The following MAST4 variants were observed in gnomAD, a reference collection of about 807,000 sequenced individuals.
MAST4 encodes the protein microtubule-associated serine/threonine-protein kinase 4.
In MAST4, 89 loss-of-function variants were observed where a neutral mutation model predicts 162.7. That is an observed-to-expected ratio of 0.55 (90% CI 0.46 to 0.65). The LOEUF (loss-of-function observed/expected upper bound fraction) is 0.65, where lower values mean the gene tolerates loss of function less well. Among genes scored for constraint, MAST4 ranks in the 30% least tolerant of loss-of-function variants. The probability of loss-of-function intolerance (pLI) is 0.00; values close to 1 mark genes in which losing one functional copy is unlikely to be tolerated. For missense variants in MAST4, 3,153 were observed against 3,374.0 expected (o/e 0.93, Z 1.62); for synonymous variants, 1,479 against 1,361.1 (o/e 1.09, Z -1.91).
chr5:67,150,378 A>G (rs1006764996), intron 24 of MAST4, among the ~76,000 whole-genome samples: 2 of 152,236 alleles, frequency 1.3e-5, no homozygotes, highest in South Asian at 2.1e-4. Flanking sequence ...TATAAAAGGC[A>G]TTGTTTATGT....
chr5:67,152,546 C>G, intron 24 of MAST4, 91 bp from the exon 25 acceptor site: 1 of 957,716 alleles, frequency 1.0e-6, no homozygotes, highest in Non-Finnish European at 1.7e-6. Flanking sequence ...GACTATGCCC[C>G]CAGTCCTGGC....
intron 4 of MAST4, among the ~76,000 whole-genome samples, chr5:67,024,750 G>T (rs552067182): frequency 6.6e-6 from 1 of 152,162 alleles, no homozygotes; most frequent in South Asian, 2.1e-4. Context: ...GAAGGAAAGG[G>T]ATGATGCATG....
At chr5:67,120,431 A>G (rs1374939588) in intron 13 of MAST4, among the ~76,000 whole-genome samples, 1 of 152,024 alleles carries the variant, frequency 6.6e-6, no homozygotes, top group Non-Finnish European at 1.5e-5. Flanking sequence ...TTTTTAAAGC[A>G]TTTTTTTCTA....
At chr5:67,142,579 C>A in intron 21 of MAST4, 46 bp downstream of exon 21, 1 of 1,273,558 alleles carries the variant, frequency 7.9e-7, no homozygotes, top group Non-Finnish European at 1.1e-6. Context: ...CTGGGAGGAT[C>A]TCCCGCTGGC....
chr5:66,890,341 G>A (rs915688443), intron 3 of MAST4, among the ~76,000 whole-genome samples: 3 of 152,078 alleles, frequency 2.0e-5, no homozygotes, highest in Non-Finnish European at 2.9e-5. Flanking sequence ...TTCCTCCTAG[G>A]TCATACTGAC....
At chr5:66,669,900 G>T (rs1049803887) in intron 1 of MAST4, among the ~76,000 whole-genome samples, 1 of 152,188 alleles carries the variant, frequency 6.6e-6, no homozygotes, top group African/African-American at 2.4e-5. Flanking sequence ...GAAAAAATGG[G>T]CAAAGGCCAA....
At chr5:66,602,560 A>G (rs1742626576) in intron 1 of MAST4, among the ~76,000 whole-genome samples, 2 of 151,816 alleles carry the variant, frequency 1.3e-5, no homozygotes, top group Admixed American at 1.3e-4. Flanking sequence ...GAAGTGGGGT[A>G]TAAAGATGAT....
chr5:66,811,031 A>G (rs889455821), intron 3 of MAST4, among the ~76,000 whole-genome samples: 1 of 152,180 alleles, frequency 6.6e-6, no homozygotes, highest in African/African-American at 2.4e-5. Context: ...TTTTCAGGCA[A>G]TGGCTTTCGG....
At chr5:66,860,813 T>TTA (rs1760058778) in intron 3 of MAST4, among the ~76,000 whole-genome samples, 1 of 151,480 alleles carries the variant, frequency 6.6e-6, no homozygotes, top group Non-Finnish European at 1.5e-5. Flanking sequence ...GTTCATTGAT[T>TTA]GTTTAGCATG....
At chr5:66,661,851 T>A (rs188653971) in intron 1 of MAST4, among the ~76,000 whole-genome samples, 1 of 152,336 alleles carries the variant, frequency 6.6e-6, no homozygotes, top group Non-Finnish European at 1.5e-5. Context: ...ATGATTGAGT[T>A]CTAAGAGCTG....
chr5:66,927,482 T>G (rs547566943), intron 4 of MAST4, among the ~76,000 whole-genome samples: 20 of 152,316 alleles, frequency 1.3e-4, no homozygotes, highest in African/African-American at 4.8e-4. Context: ...ATGATCCCTA[T>G]CAGGATGGAG....
At chr5:66,621,692 A>G (rs1424195598) in intron 1 of MAST4, among the ~76,000 whole-genome samples, 1 of 152,204 alleles carries the variant, frequency 6.6e-6, no homozygotes, top group East Asian at 1.9e-4. Flanking sequence ...CTACCCAACA[A>G]ATACTAATTG....
At chr5:66,659,912 G>A (rs560021994) in intron 1 of MAST4, among the ~76,000 whole-genome samples, 20 of 152,332 alleles carry the variant, frequency 1.3e-4, no homozygotes, top group African/African-American at 4.6e-4. Flanking sequence ...TGAAAGAGTG[G>A]CACTTGAAAG....
In MAST4 at chr5:67,130,238, T is replaced by C; in HGVS notation, c.1774T>C (p.Ser592Pro). The C allele has an allele frequency of 1.9e-6, 3 of 1,613,378 alleles. No individual in the cohort carries two copies. The highest frequency in any genetic ancestry group is 2.5e-6 in the Non-Finnish European group (3 of 1,179,590). ...AGTCTACTTTGTTCGGCATAAAGAA[T>C]CCCGGCAGAGGTTTGCCATGAAGAA... Reference protein sequence around the residue: ...GAVYFVRHKESRQRFAMKKIN... With the variant: ...GAVYFVRHKEPRQRFAMKKIN... The change falls in exon 15 of 29, where the codon TCC (serine) becomes CCC (proline). Residue 592 changes from serine to proline, a missense_variant. This residue lies in a region of MAST4 where 360 missense variants were observed against 450.0 expected (regional missense o/e 0.80). Transcript: ENST00000403625.
At chr5:66,847,577 G>A (rs979015481) in intron 3 of MAST4, among the ~76,000 whole-genome samples, 3 of 152,108 alleles carry the variant, frequency 2.0e-5, no homozygotes, top group Non-Finnish European at 2.9e-5. Flanking sequence ...AGAGGTTGCA[G>A]TGAGCTGAAA....
intron 5 of MAST4, among the ~76,000 whole-genome samples, chr5:67,079,911 G>T (rs1488895395): frequency 2.5e-4 from 38 of 152,180 alleles, no homozygotes; most frequent in Non-Finnish European, 2.9e-4. Flanking sequence ...GTCAGGGATG[G>T]TCTGATTCAG....
chr5:66,840,906 T>A (rs1029638868), intron 3 of MAST4, among the ~76,000 whole-genome samples: 7 of 152,144 alleles, frequency 4.6e-5, no homozygotes, highest in Admixed American at 6.5e-5. Flanking sequence ...AGCTTTATGA[T>A]GACAAAGATG....
intron 22 of MAST4, 42 bp downstream of exon 22, chr5:67,144,838 A>G: frequency 1.3e-6 from 2 of 1,553,514 alleles, no homozygotes; most frequent in Non-Finnish European, 1.7e-6. Context: ...AGTAGCTACT[A>G]GAGCAGAGTT....
intron 1 of MAST4, among the ~76,000 whole-genome samples, chr5:66,755,044 T>C (rs1016466313): frequency 3.3e-5 from 5 of 152,226 alleles, no homozygotes; most frequent in Admixed American, 6.5e-5. Flanking sequence ...AGCTGTGGAA[T>C]TGGAGCATCT....
Sources: gnomAD v4.1 joint callset for allele counts (sites outside exome capture counted in the v4.1 genomes callset) on GRCh38, gnomAD v4.1.1 for gene constraint, gnomAD v4.1.1 regional missense constraint, MANE v1.5 for transcripts, NCBI Gene and HGNC (gene_info 2026-07-23, HGNC 2026-07-21) for gene names.